SLC39A10: variants seen among roughly 807,000 people sequenced by gnomAD.
SLC39A10 encodes zinc transporter ZIP10.
A neutral mutation model predicts 65.1 loss-of-function variants in SLC39A10; 13 were observed. The ratio of observed to expected loss-of-function variants is 0.20; its 90% confidence interval spans 0.13 to 0.32. The LOEUF (loss-of-function observed/expected upper bound fraction) is 0.32. SLC39A10 is among the 10% of genes least tolerant of loss of function. The pLI is 1.00. For synonymous variants in SLC39A10, 321 were observed against 342.2 expected, an observed-to-expected ratio of 0.94 and a Z score of 0.68; for missense variants, 831 against 1,018.4, an observed-to-expected ratio of 0.82 and a Z score of 2.50.
rs1456198372 is a variant in SLC39A10, at chr2:195,736,790, A to ACAGTC, written c.*1751_*1755dup. The ACAGTC allele has an allele frequency of 6.6e-6, 1 of 152,638 alleles. No homozygotes were observed. The highest frequency in any genetic ancestry group is 1.5e-5 in the Non-Finnish European group (1 of 68,028). The allele number at this position is 152,638 out of a possible 1,614,324, so 9.5% of individuals were successfully genotyped here. On this transcript the variant is annotated 3_prime_UTR_variant, in exon 10 of 10. Coordinates refer to ENST00000359634, the MANE Select transcript of SLC39A10 (RefSeq NM_020342.3). ...TTTCAGCATTGGGCACTGAATTAGG[A>ACAGTC]CAGTCCTCATCTCATTGCTTGGCCC...
intron 2 of SLC39A10, among the ~76,000 whole-genome samples, chr2:195,618,585 C>T (rs1324727786): frequency 6.6e-6 from 1 of 152,130 alleles, no homozygotes; most frequent in Non-Finnish European, 1.5e-5. Flanking sequence ...TTTCATGGCA[C>T]TTTTCCTTAC....
Position 195,706,662 on chromosome 2 carries a change from C to T in SLC39A10, c.1263C>T (p.Ser421=), listed in dbSNP as rs1270250872. The change falls in exon 4 of 10, where the codon TCC becomes TCT. Residue 421 remains serine (S), a synonymous_variant. Coordinates refer to ENST00000359634, the MANE Select transcript of SLC39A10 (RefSeq NM_020342.3). ...IISITVISLL[S]LLGVILVPII... is the part of the protein sequence containing the mutation. Reference sequence around the variant, plus strand: ...CTATCACTGTCATTAGCCTGCTTTCCTTGCTAGGCGTGATCTTGGTTCCTA... The same window carrying T: ...CTATCACTGTCATTAGCCTGCTTTCTTTGCTAGGCGTGATCTTGGTTCCTA... 6.2e-7 allele frequency: 1 copy of T among 1,611,752 alleles called. No homozygotes were observed. Among genetic ancestry groups the T allele is most frequent in the Non-Finnish European group, 8.5e-7 (1 of 1,178,940 alleles).
rs775881411 is a variant in SLC39A10 at position 195,680,798 on chromosome 2, C to T, written c.756C>T (p.Pro252=). 6.2e-7 allele frequency: 1 copy of T among 1,613,962 alleles called. No individual in the cohort carries two copies. Among genetic ancestry groups the T allele is most frequent in the East Asian group, 2.2e-5 (1 of 44,870 alleles). ...CTGAGGTTATTACACCAGGTTTTCC[C>T]CCTAACCATGATCAGGGTGAACAGT... The part of the protein sequence containing the change: ...ENSEVITPGF[P]PNHDQGEQYE... The change falls in exon 2 of 10, where the codon CCC becomes CCT. Residue 252 remains proline (P), a synonymous_variant. Transcript: ENST00000359634.
chr2:195,687,842 G>A (rs1690584040), intron 3 of SLC39A10, among the ~76,000 whole-genome samples: 1 of 152,182 alleles, frequency 6.6e-6, no homozygotes, highest in Admixed American at 6.5e-5. Flanking sequence ...TAGTCCTAGA[G>A]TTGACCCTAG....
At chr2:195,686,261 AG>A (rs1690520275) in intron 3 of SLC39A10, among the ~76,000 whole-genome samples, 2 of 152,224 alleles carry the variant, frequency 1.3e-5, no homozygotes, top group South Asian at 4.1e-4. Context: ...TACAAGTAAA[AG>A]GAAATATTAT....
intron 8 of SLC39A10, among the ~76,000 whole-genome samples, chr2:195,723,025 C>T (rs1692102736): frequency 6.6e-6 from 1 of 152,108 alleles, no homozygotes; most frequent in Admixed American, 6.6e-5. Context: ...AGCACTTACC[C>T]CTTTTTCTCT....
Position 195,674,511 on chromosome 2 carries a change from A to T in SLC39A10, c.-11-5521A>T, listed in dbSNP as rs188973301. On this transcript the variant is annotated intron_variant, in intron 1 of 9. Coordinates refer to ENST00000359634, the MANE Select transcript of SLC39A10 (RefSeq NM_020342.3). Reference sequence around the variant, plus strand: ...AGGCTGGTCTTGAACTCCTGACCTCAGGTGATCCACCCGCCTCGGCCTCCC... The same window carrying T: ...AGGCTGGTCTTGAACTCCTGACCTCTGGTGATCCACCCGCCTCGGCCTCCC... 446 of 828,454 alleles carry T rather than the reference A, an allele frequency of 5.4e-4. 2 individuals are homozygous for T. In the African/African-American group the frequency reaches 7.9e-3, roughly 15 times the overall value. The allele number at this position is 828,454 out of a possible 1,614,324, so 51.3% of individuals were successfully genotyped here. A position where few individuals can be genotyped will look rare whatever the true frequency, so the allele number is the denominator to read the frequency against.
intron 2 of SLC39A10, among the ~76,000 whole-genome samples, chr2:195,629,043 C>T (rs931522417): frequency 1.7e-4 from 26 of 152,272 alleles, no homozygotes; most frequent in African/African-American, 6.3e-4. Context: ...CCAAATTTCT[C>T]CTTGTTGGTA....
At chr2:195,693,445 T>C (rs1346797471) in intron 3 of SLC39A10, among the ~76,000 whole-genome samples, 1 of 152,204 alleles carries the variant, frequency 6.6e-6, no homozygotes, top group Admixed American at 6.5e-5. Context: ...TGAATCTGTC[T>C]GGTCCTGGAC....
chr2:195,671,246 C>T (rs920378426), intron 1 of SLC39A10, among the ~76,000 whole-genome samples: 5 of 152,202 alleles, frequency 3.3e-5, no homozygotes, highest in Admixed American at 2.6e-4. Flanking sequence ...AAGTTCCTAA[C>T]TGTAAATTAG....
At chr2:195,638,198 G>A (rs753139975) in intron 2 of SLC39A10, among the ~76,000 whole-genome samples, 24 of 152,040 alleles carry the variant, frequency 1.6e-4, no homozygotes, top group Non-Finnish European at 3.1e-4. Flanking sequence ...TTGCTATGTT[G>A]TCCAGGCTGA....
In SLC39A10 at chr2:195,716,755, A is replaced by G. The variant is rs1265347133; in HGVS notation, c.1815A>G (p.Ile605Met). ...NYLCIEEEKIIDHSHSDGLHT... is the reference protein window; with the variant it reads ...NYLCIEEEKIMDHSHSDGLHT... ...TTTGTATAGAAGAGGAGAAAATCATAGACCATTCTCACAGTGATGGATTAC... is the reference window on the plus strand; with the variant it reads ...TTTGTATAGAAGAGGAGAAAATCATGGACCATTCTCACAGTGATGGATTAC... The change falls in exon 7 of 10, where the codon ATA (isoleucine) becomes ATG (methionine). Residue 605 changes from isoleucine to methionine, a missense_variant. Physicochemically the swap from Ile to Met is conservative, Grantham distance 10. Around this residue, in one of 4 missense-constraint regions of SLC39A10, gnomAD observed 230 missense variants for 242.9 expected, o/e 0.95. Transcript: ENST00000359634. 6.2e-7 allele frequency: 1 copy of G among 1,614,198 alleles called. No homozygotes were observed. Among genetic ancestry groups the G allele is most frequent in the East Asian group, 2.2e-5 (1 of 44,890 alleles).
At position 195,717,019 on chromosome 2, in the gene SLC39A10, A is replaced by T. The variant is rs1232264924; in HGVS notation, c.2065+14A>T. 8 of 1,609,532 alleles carry T rather than the reference A, an allele frequency of 5.0e-6. No individual in the cohort carries two copies. Among genetic ancestry groups the T allele is most frequent in the Admixed American group, 3.3e-5 (2 of 59,738 alleles). Reference sequence around the variant, plus strand: ...GGCTCGCAATTGGTAAGTGGACTGGAAACCACTGTCTATGCTAATCTTATG... The same window carrying T: ...GGCTCGCAATTGGTAAGTGGACTGGTAACCACTGTCTATGCTAATCTTATG... On this transcript the variant is annotated intron_variant, in intron 7 of 9. Coordinates refer to ENST00000359634, the MANE Select transcript of SLC39A10 (RefSeq NM_020342.3).
chr2:195,640,349 A>G (rs1354977781), intron 2 of SLC39A10, among the ~76,000 whole-genome samples: 1 of 152,038 alleles, frequency 6.6e-6, no homozygotes, highest in Non-Finnish European at 1.5e-5. Context: ...AGAAAAAAAA[A>G]AAAAAAACCT....
rs377737876 is a variant in SLC39A10, at chr2:195,680,050, T to C, written c.8T>C (p.Val3Ala). ...TCTTTAGGAAAAATAGAAATGAAGGTACATATGCACACAAAATTTTGCCTC... is the reference window on the plus strand; with the variant it reads ...TCTTTAGGAAAAATAGAAATGAAGGCACATATGCACACAAAATTTTGCCTC... MK[V>A]HMHTKFCLIC... is the part of the protein sequence containing the mutation. The change falls in exon 2 of 10, where the codon GTA (valine) becomes GCA (alanine). Residue 3 changes from valine (V) to alanine (A), a missense_variant. Transcript: ENST00000359634. 1.7e-5 allele frequency: 27 copies of C among 1,598,666 alleles called. No individual in the cohort carries two copies. The highest frequency in any genetic ancestry group is 3.5e-5 in the Admixed American group (2 of 56,342).
chr2:195,621,896 C>T (rs1295492193), intron 2 of SLC39A10, among the ~76,000 whole-genome samples: 1 of 151,842 alleles, frequency 6.6e-6, no homozygotes, highest in Admixed American at 6.6e-5. Context: ...TCATAAACAC[C>T]CTGTAAAGTA....
rs144586709 is a variant in SLC39A10 at position 195,698,650 on chromosome 2, T to G, written c.1217-7966T>G. ...TTGAACTTTTATTGCATTCCAGCAA[T>G]AAATCCCATTTAGTCAGGTTGTATA... On this transcript the variant is annotated intron_variant, in intron 3 of 9. Coordinates refer to ENST00000359634, the MANE Select transcript of SLC39A10 (RefSeq NM_020342.3). Among the ~76,000 whole-genome samples the G allele has an allele frequency of 5.3e-5, 8 of 152,118 alleles. 1 individual carries two copies. Among genetic ancestry groups the G allele is most frequent in the Admixed American group, 1.3e-4 (2 of 15,282 alleles).
chr2:195,657,610 G>A (rs1689203656), intron 1 of SLC39A10: 2 of 985,304 alleles, frequency 2.0e-6, no homozygotes, highest in African/African-American at 1.7e-5. Context: ...TCCTGTGGAG[G>A]TTGGCGGAGC....
At chr2:195,705,184 G>C (rs943609971) in intron 3 of SLC39A10, among the ~76,000 whole-genome samples, 3 of 152,058 alleles carry the variant, frequency 2.0e-5, no homozygotes, top group African/African-American at 7.2e-5. Flanking sequence ...TTGAGTTCCT[G>C]CTCCTTCCTT....
Sources: gnomAD v4.1 joint callset for allele counts (sites outside exome capture counted in the v4.1 genomes callset) on GRCh38, gnomAD v4.1.1 for gene constraint, gnomAD v4.1.1 regional missense constraint, MANE v1.5 for transcripts, NCBI Gene and HGNC (gene_info 2026-07-23, HGNC 2026-07-21) for gene names.